FAM83G: variants seen among roughly 807,000 people sequenced by gnomAD.
FAM83G encodes scaffolding CK1 anchoring protein G.
Under a neutral mutation model 61.5 loss-of-function variants are expected in FAM83G, and 38 were observed. The observed-to-expected ratio is 0.62, with a 90% CI of 0.48 to 0.81. The LOEUF is 0.81. Ranked by LOEUF, FAM83G falls within the 30% of genes least tolerant of loss-of-function variation. FAM83G has a pLI of 0.00. For synonymous variants in FAM83G, 470 were observed against 476.1 expected, an observed-to-expected ratio of 0.99 and a Z score of 0.17; for missense variants, 989 against 1,133.6, an observed-to-expected ratio of 0.87 and a Z score of 1.83.
chr17:18,982,317 C>T (rs78197087), intron 3 of FAM83G, among the ~76,000 whole-genome samples: 4,008 of 152,318 alleles, frequency 0.026, 89 homozygotes, highest in Middle Eastern at 0.048. Flanking sequence ...ATGGCCTGCT[C>T]CCCAGCTTGT....
At position 19,003,498 on chromosome 17, in the gene FAM83G, A is replaced by T. The variant is rs2152142953; in HGVS notation, c.522+22T>A. ...CGGTGGCTGGTTGGGCCATGGCTCC[A>T]GGAGTCCCCGCGCTGCCTCACCTTC... is the stretch of plus-strand genomic sequence containing the variant. On this transcript the variant is annotated intron_variant, in intron 2 of 5. Coordinates refer to ENST00000388995, the MANE Select transcript of FAM83G (RefSeq NM_001039999.3). This position sits in a 1 kb window ranked among gnomAD's most constrained non-coding sequence, Gnocchi z 4.5. The T allele has an allele frequency of 6.6e-7, 1 of 1,514,948 alleles. No individual in the cohort carries two copies. Among genetic ancestry groups the T allele is most frequent in the Non-Finnish European group, 8.8e-7 (1 of 1,131,112 alleles). The allele number at this position is 1,514,948 out of a possible 1,614,324, so 93.8% of individuals were successfully genotyped here.
intron 2 of FAM83G, among the ~76,000 whole-genome samples, chr17:18,991,858 A>G (rs2043434459): frequency 6.6e-6 from 1 of 152,202 alleles, no homozygotes; most frequent in Admixed American, 6.5e-5. Context: ...GGCCTCGAAG[A>G]TGCAGCTGCA....
intron 3 of FAM83G, among the ~76,000 whole-genome samples, chr17:18,984,300 T>G (rs1210610129): frequency 1.5e-5 from 2 of 132,078 alleles, no homozygotes; most frequent in Non-Finnish European, 3.0e-5. Flanking sequence ...GCCACTGCAG[T>G]CCAGCCTGGG....
At position 19,000,337 on chromosome 17, in the gene FAM83G, C is replaced by T. The variant is rs768941046; in HGVS notation, c.522+3183G>A. Among the ~76,000 whole-genome samples the T allele has an allele frequency of 3.9e-5, 6 of 152,170 alleles. No homozygotes were observed. The highest frequency in any genetic ancestry group is 7.3e-5 in the Non-Finnish European group (5 of 68,028). On this transcript the variant is annotated intron_variant, in intron 2 of 5. Transcript: ENST00000388995. The surrounding 1 kb of genome is among the most constrained non-coding windows in gnomAD (Gnocchi z 5.2). ...CAAGGTGTCAGGGCTGAAGGGGCCC[C>T]TAACAGTCTTCAATACCTGTTCCCA...
intron 5 of FAM83G, chr17:18,977,137 ACAAT>A (rs1338149651): frequency 9.3e-7 from 1 of 1,073,588 alleles, no homozygotes; most frequent in East Asian, 2.6e-5. Context: ...CCTCAGGGCC[ACAAT>A]CAAAGGGATT....
At chr17:18,995,864 C>T (rs548536561) in intron 2 of FAM83G, among the ~76,000 whole-genome samples, 14 of 150,928 alleles carry the variant, frequency 9.3e-5, no homozygotes, top group Admixed American at 4.6e-4. Flanking sequence ...GCCAAGATTG[C>T]GCCACTGCAC....
Position 18,988,283 on chromosome 17 carries a change from C to A in FAM83G, c.654G>T (p.Met218Ile). Reference protein sequence around the residue: ...DESNVKYFLHMCERACMHLGH... With the variant: ...DESNVKYFLHICERACMHLGH... ...CCAGGTGCATGCAGGCCCGCTCACA[C>A]ATGTGCAGGAAGTACTTGACGTTAC... The change falls in exon 3 of 6, where the codon ATG becomes ATT. Residue 218 changes from methionine (M) to isoleucine (I), a missense_variant. Physicochemically the swap from Met to Ile is conservative, Grantham distance 10. This residue lies in a region of FAM83G where 371 missense variants were observed against 404.5 expected (regional missense o/e 0.92). Transcript: ENST00000388995. 6.2e-7 allele frequency: 1 copy of A among 1,613,900 alleles called. No individual in the cohort carries two copies. The highest frequency in any genetic ancestry group is 1.1e-5 in the South Asian group (1 of 91,086).
rs764407882 is a variant in FAM83G at position 18,971,088 on chromosome 17, A to T, written c.*271T>A. The T allele has an allele frequency of 1.2e-6, 2 of 1,614,076 alleles. No individual in the cohort carries two copies. The highest frequency in any genetic ancestry group is 1.7e-6 in the Non-Finnish European group (2 of 1,180,028). On this transcript the variant is annotated 3_prime_UTR_variant, in exon 6 of 6. Coordinates refer to ENST00000388995, the MANE Select transcript of FAM83G (RefSeq NM_001039999.3). The surrounding 1 kb of genome is among the most constrained non-coding windows in gnomAD (Gnocchi z 5.5). Reference sequence around the variant, plus strand: ...GCCATTCCCTCCAGGACCATTGCCAACACCACCTGCCACCTGCCACGTACA... The same window carrying T: ...GCCATTCCCTCCAGGACCATTGCCATCACCACCTGCCACCTGCCACGTACA...
At chr17:18,993,307 C>T (rs2043477649) in intron 2 of FAM83G, among the ~76,000 whole-genome samples, 2 of 152,166 alleles carry the variant, frequency 1.3e-5, no homozygotes, top group Admixed American at 6.5e-5. Context: ...CAAATCCCAA[C>T]TCCAGTGCAG....
At chr17:18,972,939 C>T (rs1376346939) in intron 5 of FAM83G, among the ~76,000 whole-genome samples, 2 of 152,176 alleles carry the variant, frequency 1.3e-5, no homozygotes, top group Non-Finnish European at 2.9e-5. Context: ...GCCTCAGTTT[C>T]CCCATCTGTA....
At chr17:18,982,753 G>A (rs1218021567) in intron 3 of FAM83G, among the ~76,000 whole-genome samples, 2 of 152,226 alleles carry the variant, frequency 1.3e-5, no homozygotes, top group Non-Finnish European at 2.9e-5. Flanking sequence ...CCGCTGGTGC[G>A]AGGCAGAGGG....
chr17:18,977,604 A>G lies in FAM83G; in HGVS notation c.2062T>C (p.Ser688Pro), dbSNP rs1216830867. 3 of 1,608,848 alleles carry G rather than the reference A, an allele frequency of 1.9e-6. No homozygotes were observed. The highest frequency in any genetic ancestry group is 3.3e-5 in the Admixed American group (2 of 59,976). The change falls in exon 5 of 6, where the codon TCC becomes CCC. Residue 688 changes from serine (S) to proline (P), a missense_variant. Ser to Pro is a moderately conservative substitution (Grantham distance 74). This residue lies in a region of FAM83G where 574 missense variants were observed against 645.1 expected (regional missense o/e 0.89). Coordinates refer to ENST00000388995, the MANE Select transcript of FAM83G (RefSeq NM_001039999.3). ...DALKRMQAQR[S>P]TDKEAQGQQF... ...CCCACCTGTGCCTCCTTGTCTGTGG[A>G]GCGCTGGGCCTGCATCCTCTTCAAC... is the stretch of plus-strand genomic sequence containing the variant.
At chr17:19,005,647 AC>A (rs141784762), upstream of FAM83G, among the ~76,000 whole-genome samples, 18 of 137,018 alleles carry the variant, frequency 1.3e-4, no homozygotes, top group Middle Eastern at 3.5e-3. Flanking sequence ...GTGCCCTCAA[AC>A]CCCCCCCCTC....
rs757874463 is a variant in FAM83G, at chr17:19,003,578, A to T, written c.464T>A (p.Ile155Lys). ...TRASVYMQPP[I>K]DGQAHIKEVV... ...CTCTTTGATGTGGGCCTGCCCGTCT[A>T]TGGGGGGCTGCATGTAGACGCTAGC... Residue 155 changes from isoleucine (I) to lysine (K), a missense_variant, in exon 2 of 6, where the codon ATA (isoleucine) becomes AAA (lysine). Ile to Lys is a moderately radical substitution (Grantham distance 102, BLOSUM62 -3). Coordinates refer to ENST00000388995, the MANE Select transcript of FAM83G (RefSeq NM_001039999.3). The surrounding 1 kb of genome is among the most constrained non-coding windows in gnomAD (Gnocchi z 4.5). 5 of 1,596,406 alleles carry T rather than the reference A, an allele frequency of 3.1e-6. No individual in the cohort carries two copies. The highest frequency in any genetic ancestry group is 3.4e-6 in the Non-Finnish European group (4 of 1,171,250).
At chr17:18,979,299 G>C (rs2043069460) in intron 4 of FAM83G, 5 of 544,074 alleles carry the variant, frequency 9.2e-6, no homozygotes, top group Non-Finnish European at 1.6e-5. Flanking sequence ...GGCTTGCGAA[G>C]GCACGGCCTG....
chr17:19,004,068 C>CG lies in FAM83G; in HGVS notation c.-28dup, dbSNP rs1397059290. Reference sequence around the variant, plus strand: ...GCGCCGCCTGCCCGGGCACTGCTGCCGGGGGTGGGTGGGCAAGGTCCAGCT... The same window carrying CG: ...GCGCCGCCTGCCCGGGCACTGCTGCCGGGGGGTGGGTGGGCAAGGTCCAGCT... On this transcript the variant is annotated 5_prime_UTR_variant, in exon 2 of 6. Coordinates refer to ENST00000388995, the MANE Select transcript of FAM83G (RefSeq NM_001039999.3). The surrounding 1 kb of genome is among the most constrained non-coding windows in gnomAD (Gnocchi z 5.4). The CG allele has an allele frequency of 1.3e-6, 2 of 1,557,206 alleles. No individual in the cohort carries two copies. Among genetic ancestry groups the CG allele is most frequent in the African/African-American group, 1.4e-5 (1 of 73,370 alleles).
intron 2 of FAM83G, 79 bp from the exon 3 acceptor site, chr17:18,988,493 C>T: frequency 6.4e-7 from 1 of 1,574,470 alleles, no homozygotes; most frequent in Non-Finnish European, 8.7e-7. Context: ...GCGCACAGCC[C>T]TCCCATGCCA....
intron 3 of FAM83G, 127 bp from the exon 4 acceptor site, chr17:18,979,800 G>A (rs2043083263): frequency 9.4e-7 from 1 of 1,064,426 alleles, no homozygotes; most frequent in East Asian, 2.4e-5. Flanking sequence ...GAAAGAGGCT[G>A]TAAGGCCTGG....
In FAM83G at chr17:18,977,897, A is replaced by G; in HGVS notation, c.1769T>C (p.Leu590Pro). ...GCCTGAGTGGCTGTCCTGGTCACTG[A>G]GGGTTACGTAGTCGTCATCATCTTC... is the stretch of plus-strand genomic sequence containing the variant. ...EEEDDDDYVT[L>P]SDQDSHSGSS... is the part of the protein sequence containing the mutation. Residue 590 changes from leucine (L) to proline (P), a missense_variant, in exon 5 of 6, where the codon CTC becomes CCC. This residue lies in a region of FAM83G where 574 missense variants were observed against 645.1 expected (regional missense o/e 0.89). Coordinates refer to ENST00000388995, the MANE Select transcript of FAM83G (RefSeq NM_001039999.3). 6.2e-7 allele frequency: 1 copy of G among 1,610,548 alleles called. No individual in the cohort carries two copies. Among genetic ancestry groups the G allele is most frequent in the Non-Finnish European group, 8.5e-7 (1 of 1,179,672 alleles).
Sources: allele counts gnomAD v4.1 joint callset (sites outside exome capture counted in the v4.1 genomes callset), GRCh38; gene constraint gnomAD v4.1.1; regional missense constraint gnomAD v4.1.1; non-coding constraint Gnocchi (gnomAD v3.1); transcripts MANE v1.5; gene names NCBI Gene and HGNC (gene_info 2026-07-23, HGNC 2026-07-21).